The following TTPA variants were observed in gnomAD, a reference collection of about 807,000 sequenced individuals.
TTPA encodes the protein alpha-tocopherol transfer protein.
Under a neutral mutation model 25.9 loss-of-function variants are expected in TTPA, and 23 were observed. The observed-to-expected ratio is 0.89, with a 90% CI of 0.64 to 1.26. TTPA has a LOEUF of 1.26. Among genes scored for constraint, TTPA ranks in the 50% most tolerant of loss-of-function variants. The probability of loss-of-function intolerance (pLI) is 0.00; values close to 1 mark genes in which losing one functional copy is unlikely to be tolerated. For missense variants in TTPA, 337 were observed against 353.1 expected (o/e 0.95, Z 0.37); for synonymous variants, 148 against 137.3 (o/e 1.08, Z -0.54).
chr8:63,067,617 C>G (rs987194187), intron 2 of TTPA, among the ~76,000 whole-genome samples: 1 of 149,450 alleles, frequency 6.7e-6, no homozygotes, highest in Non-Finnish European at 1.5e-5. Flanking sequence ...TATTTATTTT[C>G]AACTTTTATT....
intron 1 of TTPA, among the ~76,000 whole-genome samples, chr8:63,076,778 C>T (rs1805568537): frequency 6.6e-6 from 1 of 151,954 alleles, no homozygotes; most frequent in African/African-American, 2.4e-5. Flanking sequence ...TTCATAGGAC[C>T]TGAGATTGTG....
At position 63,061,367 on chromosome 8, in the gene TTPA, A is replaced by C; in HGVS notation, c.722T>G (p.Leu241Arg). Residue 241 changes from leucine (L) to arginine (R), a missense_variant, in exon 5 of 5, where the codon CTT (leucine) becomes CGT (arginine). Transcript: ENST00000260116. ...TTCTTCACCACCATATTCCAGAGGA[A>C]GAATGTCTGGGAAATGCTGAAGCAA... ...QSLLQHFPDI[L>R]PLEYGGEEFS... 1 of 1,614,030 alleles carries C rather than the reference A, an allele frequency of 6.2e-7. No individual in the cohort carries two copies. Among genetic ancestry groups the C allele is most frequent in the Non-Finnish European group, 8.5e-7 (1 of 1,179,942 alleles).
At chr8:63,084,901 CAA>C (rs1382082030) in intron 1 of TTPA, among the ~76,000 whole-genome samples, 3 of 152,140 alleles carry the variant, frequency 2.0e-5, no homozygotes, top group African/African-American at 2.4e-5. Context: ...CTAAAACAAA[CAA>C]GAGAAACCCT....
At chr8:63,067,482 T>G (rs1220787815) in intron 2 of TTPA, among the ~76,000 whole-genome samples, 1 of 144,112 alleles carries the variant, frequency 6.9e-6, no homozygotes, top group African/African-American at 2.6e-5. Flanking sequence ...CAGACTGAAG[T>G]GCCTAACAGG....
Position 63,061,412 on chromosome 8 carries a change from CCATG to C in TTPA, c.673_676del (p.His225GlyfsTer38). On this transcript the variant is annotated frameshift_variant, in exon 5 of 5. Coordinates refer to ENST00000260116, the MANE Select transcript of TTPA (RefSeq NM_000370.3). LOFTEE classifies it high-confidence loss of function. ...AAGCAAGCTTTGTTTGTAGTTGTTC[CCATG>C]CATGTGAATCTGAAATAGCCAAAAC... 6.2e-7 allele frequency: 1 copy of C among 1,613,894 alleles called. No individual in the cohort carries two copies. Among genetic ancestry groups the C allele is most frequent in the Non-Finnish European group, 8.5e-7 (1 of 1,179,938 alleles).
chr8:63,081,756 C>T (rs1805667716), intron 1 of TTPA, among the ~76,000 whole-genome samples: 1 of 152,170 alleles, frequency 6.6e-6, no homozygotes, highest in Non-Finnish European at 1.5e-5. Context: ...CGTCTCAACC[C>T]AAAATCTCCT....
rs1452015886 is a variant in TTPA, at chr8:63,072,929, A to G, written c.358+6T>C. The G allele has an allele frequency of 6.2e-7, 1 of 1,614,042 alleles. No individual in the cohort carries two copies. The highest frequency in any genetic ancestry group is 8.5e-7 in the Non-Finnish European group (1 of 1,180,002). ...GAGAAAAAAAAAAGAGTTGTGTATGACTTACCGATTCTGTAAATAAGAACT... is the reference window on the plus strand; with the variant it reads ...GAGAAAAAAAAAAGAGTTGTGTATGGCTTACCGATTCTGTAAATAAGAACT... On this transcript the variant is annotated splice_donor_region_variant and intron_variant, in intron 2 of 4. Transcript: ENST00000260116.
chr8:63,067,193 A>G (rs899038741), intron 2 of TTPA, among the ~76,000 whole-genome samples: 1 of 152,226 alleles, frequency 6.6e-6, no homozygotes. Flanking sequence ...AAGTTTTTTA[A>G]AAAACATTCA....
intron 1 of TTPA, among the ~76,000 whole-genome samples, chr8:63,079,646 A>G (rs1022654555): frequency 3.3e-5 from 5 of 152,176 alleles, no homozygotes; most frequent in African/African-American, 1.2e-4. Context: ...TACACCCAAT[A>G]CAGGAGCACC....
chr8:63,065,754 C>G lies in TTPA; in HGVS notation c.552+150G>C, dbSNP rs368958119. On this transcript the variant is annotated intron_variant, in intron 3 of 4. Transcript: ENST00000260116. ...TTATAAACTAATAACATTTTACTTC[C>G]TCTTAGCATTGTTGAATTCTACACA... is the stretch of plus-strand genomic sequence containing the variant. 1.3e-5 allele frequency: 11 copies of G among 844,522 alleles called. No individual in the cohort carries two copies. In the East Asian group the frequency reaches 3.0e-4, roughly 23 times the overall value. The allele number at this position is 844,522 out of a possible 1,614,324, so 52.3% of individuals were successfully genotyped here.
At chr8:63,069,085 G>A (rs1464337913) in intron 2 of TTPA, among the ~76,000 whole-genome samples, 1 of 151,998 alleles carries the variant, frequency 6.6e-6, no homozygotes, top group Non-Finnish European at 1.5e-5. Context: ...AACTCGGGAG[G>A]CAGAGGTTGT....
At chr8:63,081,264 C>A (rs1004954193) in intron 1 of TTPA, among the ~76,000 whole-genome samples, 9 of 152,118 alleles carry the variant, frequency 5.9e-5, no homozygotes, top group South Asian at 4.1e-4. Flanking sequence ...CAAACCGAAT[C>A]CAGCAGCACA....
intron 4 of TTPA, 31 bp downstream of exon 4, chr8:63,064,175 A>G: frequency 6.7e-7 from 1 of 1,485,322 alleles, no homozygotes; most frequent in Non-Finnish European, 9.4e-7. Context: ...TTTGGTGTAG[A>G]GGAACACAGA....
At chr8:63,072,626 C>A (rs959276739) in intron 2 of TTPA, among the ~76,000 whole-genome samples, 2 of 152,218 alleles carry the variant, frequency 1.3e-5, no homozygotes, top group African/African-American at 2.4e-5. Flanking sequence ...TTCATCTTCA[C>A]TATTTTCCTT....
downstream of TTPA, among the ~76,000 whole-genome samples, chr8:63,059,356 T>C (rs1332415086): frequency 1.3e-5 from 2 of 152,114 alleles, no homozygotes; most frequent in African/African-American, 4.8e-5. Flanking sequence ...TTAATAAAAA[T>C]TATAATGTTG....
intron 2 of TTPA, among the ~76,000 whole-genome samples, chr8:63,071,963 C>T (rs559614378): frequency 6.6e-6 from 1 of 152,044 alleles, no homozygotes; most frequent in Non-Finnish European, 1.5e-5. Flanking sequence ...ACTAGCTACA[C>T]CTAATAGAAA....
At position 63,064,275 on chromosome 8, in the gene TTPA, A is replaced by G. The variant is rs780298302; in HGVS notation, c.594T>C (p.Asn198=). Residue 198 remains asparagine, a synonymous_variant, in exon 4 of 5, where the codon AAT becomes AAC. Coordinates refer to ENST00000260116, the MANE Select transcript of TTPA (RefSeq NM_000370.3). ...PLKVRGIHLI[N]EPVIFHAVFS... is the part of the protein sequence containing the mutation. ...AGACAGCATGGAAAATTACTGGTTCATTTATCAAATGGATGCCACGAACTT... is the reference window on the plus strand; with the variant it reads ...AGACAGCATGGAAAATTACTGGTTCGTTTATCAAATGGATGCCACGAACTT... The G allele has an allele frequency of 1.2e-6, 2 of 1,613,110 alleles. No individual in the cohort carries two copies. The highest frequency in any genetic ancestry group is 4.5e-5 in the East Asian group (2 of 44,768).
intron 1 of TTPA, 63 bp downstream of exon 1, chr8:63,085,755 G>C: frequency 6.6e-7 from 1 of 1,511,656 alleles, no homozygotes; most frequent in Non-Finnish European, 8.8e-7. Flanking sequence ...ATCCGGGGTC[G>C]TGGGGCGGGG....
At chr8:63,070,296 G>T (rs1805464107) in intron 2 of TTPA, among the ~76,000 whole-genome samples, 1 of 152,136 alleles carries the variant, frequency 6.6e-6, no homozygotes, top group Non-Finnish European at 1.5e-5. Flanking sequence ...TCAAAACTTA[G>T]CTTCACCTTG....
Sources: allele counts gnomAD v4.1 joint callset (sites outside exome capture counted in the v4.1 genomes callset), GRCh38; gene constraint gnomAD v4.1.1; transcripts MANE v1.5; gene names NCBI Gene and HGNC (gene_info 2026-07-23, HGNC 2026-07-21).